Variants in ZNF518A observed in about 807,000 individuals in gnomAD.
The protein encoded by ZNF518A is zinc finger protein 518.
ZNF518A carries 47 observed loss-of-function variants against 102.7 expected under a neutral mutation model. The observed-to-expected ratio is 0.46, with a 90% CI of 0.36 to 0.58. The LOEUF (loss-of-function observed/expected upper bound fraction) is 0.58, where lower values mean the gene tolerates loss of function less well. ZNF518A is among the 20% of genes least tolerant of loss of function. ZNF518A has a pLI of 0.00. For missense variants in ZNF518A, 1,793 were observed against 1,699.8 expected (o/e 1.05, Z -0.96); for synonymous variants, 652 against 594.6 (o/e 1.10, Z -1.40).
At chr10:96,170,429 T>C (rs1327832410) in intron 1 of ZNF518A, among the ~76,000 whole-genome samples, 1 of 152,204 alleles carries the variant, frequency 6.6e-6, no homozygotes, top group Admixed American at 6.5e-5. Flanking sequence ...TAAGGTATTT[T>C]GTGATTGAAG....
At chr10:96,168,215 C>T (rs782355497), downstream of ZNF518A, among the ~76,000 whole-genome samples, 7 of 152,158 alleles carry the variant, frequency 4.6e-5, no homozygotes, top group Non-Finnish European at 8.8e-5. Context: ...GTGAGAGGCC[C>T]AGAGGTTGCA....
At chr10:96,196,008 G>A (rs2083456510) in intron 1 of ZNF518A, among the ~76,000 whole-genome samples, 1 of 152,238 alleles carries the variant, frequency 6.6e-6, no homozygotes, top group Non-Finnish European at 1.5e-5. Context: ...TTGGCTTCAT[G>A]TAGTGGGGAA....
At chr10:96,166,771 A>G (rs2083143970), downstream of ZNF518A, among the ~76,000 whole-genome samples, 1 of 152,018 alleles carries the variant, frequency 6.6e-6, no homozygotes, top group African/African-American at 2.4e-5. Flanking sequence ...TGTCTCAAAA[A>G]GAAAGAAAGG....
intron 4 of ZNF518A, chr10:96,155,657 G>A (rs1416630705): frequency 6.6e-6 from 1 of 152,158 alleles, no homozygotes; most frequent in Non-Finnish European, 1.5e-5. Context: ...TTAGATGAAT[G>A]AAGCTTTTGT....
chr10:96,167,527 C>G (rs2133879693), downstream of ZNF518A, among the ~76,000 whole-genome samples: 2 of 151,984 alleles, frequency 1.3e-5, no homozygotes, highest in Admixed American at 1.3e-4. Context: ...AATGTCTCAC[C>G]AAGTAGAGAA....
At chr10:96,137,881 A>G (rs888808917) in intron 3 of ZNF518A, among the ~76,000 whole-genome samples, 2 of 152,236 alleles carry the variant, frequency 1.3e-5, no homozygotes, top group African/African-American at 4.8e-5. Context: ...TTGGATGTCA[A>G]ATAGACATCT....
chr10:96,195,162 C>G (rs1288546163), intron 1 of ZNF518A, among the ~76,000 whole-genome samples: 1 of 152,150 alleles, frequency 6.6e-6, no homozygotes, highest in African/African-American at 2.4e-5. Context: ...CAGAATATAA[C>G]AAGTGCTGGT....
At chr10:96,186,512 C>T (rs996744376) in intron 1 of ZNF518A, among the ~76,000 whole-genome samples, 4 of 152,268 alleles carry the variant, frequency 2.6e-5, no homozygotes, top group Middle Eastern at 3.4e-3. Flanking sequence ...ATTCTTCTGC[C>T]TCAGCCTCCT....
In ZNF518A at chr10:96,159,391, T is replaced by C; in HGVS notation, c.3069T>C (p.Leu1023=). The C allele has an allele frequency of 6.2e-7, 1 of 1,613,798 alleles. No individual in the cohort carries two copies. The highest frequency in any genetic ancestry group is 8.5e-7 in the Non-Finnish European group (1 of 1,179,802). ...ILKVEPNNNC[L]TPGLCSSIGS... ...AGGTAGAACCAAACAATAATTGTCT[T>C]ACACCTGGACTTTGTTCCAGCATTG... The change falls in exon 6 of 6, where the codon CTT becomes CTC. Residue 1023 remains leucine, a synonymous_variant. Coordinates refer to ENST00000316045, the MANE Select transcript of ZNF518A (RefSeq NM_001330736.2).
At chr10:96,193,926 C>A (rs2083393063) in intron 1 of ZNF518A, among the ~76,000 whole-genome samples, 1 of 152,158 alleles carries the variant, frequency 6.6e-6, no homozygotes, top group Non-Finnish European at 1.5e-5. Flanking sequence ...GGGACATAAT[C>A]TTTTTATTAT....
intron 4 of ZNF518A, 94 bp from the exon 5 acceptor site, chr10:96,155,830 A>G (rs2082670840): frequency 6.6e-6 from 1 of 152,422 alleles, no homozygotes; most frequent in African/African-American, 2.4e-5. Context: ...TTAGGATTCT[A>G]AGATTTTTAA....
Position 96,159,961 on chromosome 10 carries a change from A to T in ZNF518A, c.3639A>T (p.Thr1213=), listed in dbSNP as rs1554886677. The T allele has an allele frequency of 6.2e-7, 1 of 1,613,540 alleles. No individual in the cohort carries two copies. Among genetic ancestry groups the T allele is most frequent in the South Asian group, 1.1e-5 (1 of 91,076 alleles). Reference sequence around the variant, plus strand: ...AAATTGTGATAACTTCTACTGCAACATGCCCAGAATCTTCTGAGGAACCAA... The same window carrying T: ...AAATTGTGATAACTTCTACTGCAACTTGCCCAGAATCTTCTGAGGAACCAA... ...ANEIVITSTA[T]CPESSEEPIC... Residue 1213 remains threonine (T), a synonymous_variant, in exon 6 of 6, where the codon ACA becomes ACT. Transcript: ENST00000316045.
At chr10:96,186,147 A>G (rs2083270529) in intron 1 of ZNF518A, among the ~76,000 whole-genome samples, 1 of 152,168 alleles carries the variant, frequency 6.6e-6, no homozygotes, top group African/African-American at 2.4e-5. Flanking sequence ...CTTGGCTAGG[A>G]AAGGGAAATC....
intron 1 of ZNF518A, among the ~76,000 whole-genome samples, chr10:96,180,050 T>G (rs1423475798): frequency 6.6e-6 from 1 of 151,940 alleles, no homozygotes; most frequent in Non-Finnish European, 1.5e-5. Context: ...GGCTGATTTT[T>G]GGTATTTTTA....
Position 96,162,486 on chromosome 10 carries a change from A to G in ZNF518A, c.*1712A>G, listed in dbSNP as rs1325494401. 1 of 166,972 alleles carries G rather than the reference A, an allele frequency of 6.0e-6. No individual in the cohort carries two copies. The highest frequency in any genetic ancestry group is 1.5e-5 in the Non-Finnish European group (1 of 68,034). 10.3% of individuals were successfully genotyped at this position (166,972 alleles called of 1,614,324 possible). A position where few individuals can be genotyped will look rare whatever the true frequency, so the allele number is the denominator to read the frequency against. ...TAGTTTTATTTTTAAAGAAAGCCAT[A>G]CATAGAATGCTTCAAGCTATCTTGC... On this transcript the variant is annotated 3_prime_UTR_variant, in exon 6 of 6. Transcript: ENST00000316045.
rs782722709 is a variant in ZNF518A, at chr10:96,157,222, T to C, written c.900T>C (p.Tyr300=). 2.2e-5 allele frequency: 35 copies of C among 1,608,302 alleles called. No individual in the cohort carries two copies. The Admixed American group carries it at 5.4e-4, about 25-fold the overall frequency. The change falls in exon 6 of 6, where the codon TAT becomes TAC. Residue 300 remains tyrosine, a synonymous_variant. Transcript: ENST00000316045. The part of the protein sequence containing the change: ...YAKEKLEKDK[Y]EKRMAKTSAG... ...AAGAAAAACTGGAAAAAGACAAATA[T>C]GAAAAAAGAATGGCAAAGACTTCTG...
intron 1 of ZNF518A, among the ~76,000 whole-genome samples, chr10:96,185,948 C>T (rs1399439305): frequency 6.6e-6 from 1 of 152,232 alleles, no homozygotes; most frequent in African/African-American, 2.4e-5. Context: ...CTCCCCCAGC[C>T]AGGCTGCTGC....
At chr10:96,150,546 G>GAAAA (rs71486787) in intron 3 of ZNF518A, among the ~76,000 whole-genome samples, 1 of 142,870 alleles carries the variant, frequency 7.0e-6, no homozygotes, top group Non-Finnish European at 1.5e-5. Flanking sequence ...GATCTTTTTG[G>GAAAA]AAAAAAAAAA....
rs759914089 is a variant in ZNF518A, at chr10:96,197,808, C to T, written n.36-5766C>T. ...GCGGGCACCTGTAGTCCCAGCTACT[C>T]GGGAGGCTGAGGCAGAAGAATGGCG... On this transcript the variant is annotated intron_variant and non_coding_transcript_variant, in intron 1 of 2. Transcript: ENST00000442635. Among the ~76,000 whole-genome samples, 513 of 151,280 alleles carry T rather than the reference C, an allele frequency of 3.4e-3. 2 individuals carry two copies. The highest frequency in any genetic ancestry group is 5.2e-3 in the Non-Finnish European group (355 of 67,838).
Sources: allele counts gnomAD v4.1 joint callset (sites outside exome capture counted in the v4.1 genomes callset), GRCh38; gene constraint gnomAD v4.1.1; transcripts MANE v1.5; gene names NCBI Gene and HGNC (gene_info 2026-07-23, HGNC 2026-07-21).